ADAMTSL1: variants seen among roughly 807,000 people sequenced by gnomAD.
ADAMTSL1 encodes the protein ADAMTS like 1, also known as ADAMTS-like protein 1.
In ADAMTSL1, 126 loss-of-function variants were observed where a neutral mutation model predicts 201.8. The observed-to-expected ratio is 0.62, with a 90% CI of 0.54 to 0.72. ADAMTSL1 has a LOEUF of 0.72. Among genes scored for constraint, ADAMTSL1 ranks in the 30% least tolerant of loss-of-function variants. The probability of loss-of-function intolerance (pLI) is 0.00; values close to 1 mark genes in which losing one functional copy is unlikely to be tolerated. For missense variants in ADAMTSL1, 2,679 were observed against 2,277.8 expected (o/e 1.18, Z -3.59); for synonymous variants, 1,121 against 903.4 (o/e 1.24, Z -4.32).
chr9:18,050,260 C>A (rs142459117), intron 1 of ADAMTSL1, among the ~76,000 whole-genome samples: 153 of 152,142 alleles, frequency 1.0e-3, no homozygotes, highest in African/African-American at 3.3e-3. Flanking sequence ...ATAACAAATT[C>A]TTTATGCTCA....
chr9:18,138,990 T>A (rs1195605558), intron 1 of ADAMTSL1, among the ~76,000 whole-genome samples: 1 of 152,158 alleles, frequency 6.6e-6, no homozygotes, highest in Non-Finnish European at 1.5e-5. Context: ...ATTTTACTTG[T>A]GTCTGCCACT....
At chr9:17,979,408 C>T (rs1370827853) in intron 1 of ADAMTSL1, among the ~76,000 whole-genome samples, 2 of 151,940 alleles carry the variant, frequency 1.3e-5, no homozygotes, top group Admixed American at 6.6e-5. Context: ...TTCAAATGTC[C>T]TGTCTTTCAG....
chr9:17,916,254 T>C (rs1164441468), intron 1 of ADAMTSL1, among the ~76,000 whole-genome samples: 3 of 152,208 alleles, frequency 2.0e-5, no homozygotes, highest in Non-Finnish European at 2.9e-5. Context: ...GATTTGCAAA[T>C]ATTTTCTTCC....
chr9:18,834,986 G>A (rs953239036), intron 23 of ADAMTSL1, among the ~76,000 whole-genome samples: 15 of 152,242 alleles, frequency 9.9e-5, no homozygotes, highest in African/African-American at 3.4e-4. Flanking sequence ...AAACACCTAG[G>A]AGTGAAATGA....
At chr9:18,078,225 T>G (rs1254310992) in intron 1 of ADAMTSL1, among the ~76,000 whole-genome samples, 1 of 152,066 alleles carries the variant, frequency 6.6e-6, no homozygotes. Context: ...AATAAAACAA[T>G]TTTTTTCTCC....
chr9:18,065,032 G>C (rs1377054778), intron 1 of ADAMTSL1, among the ~76,000 whole-genome samples: 2 of 122,420 alleles, frequency 1.6e-5, no homozygotes. Context: ...GGGTTGAAAA[G>C]ATACGGATTT....
In ADAMTSL1 at chr9:17,934,902, T is replaced by TAA. The variant is rs59536452; in HGVS notation, c.87+27998_87+27999dup. 6.3e-3 allele frequency among the ~76,000 whole-genome samples: 901 copies of TAA among 143,760 alleles called. 11 individuals are homozygous for TAA. Among genetic ancestry groups the TAA allele is most frequent in the African/African-American group, 0.022 (854 of 39,014 alleles). The allele number at this position is 143,760 out of a possible 152,430, so 94.3% of individuals were successfully genotyped here. A position where few individuals can be genotyped will look rare whatever the true frequency, so the allele number is the denominator to read the frequency against. On this transcript the variant is annotated intron_variant, in intron 1 of 29. Coordinates refer to the ADAMTSL1 transcript ENST00000680146. ...CCCTCTTTCTGCATCCTATTTCCTTTAAAAAAAAAAAAAAAAAAACTTCTG... is the reference window on the plus strand; with the variant it reads ...CCCTCTTTCTGCATCCTATTTCCTTTAAAAAAAAAAAAAAAAAAAAACTTCTG...
intron 7 of ADAMTSL1, among the ~76,000 whole-genome samples, chr9:18,651,958 G>A (rs941156365): frequency 6.6e-6 from 1 of 151,690 alleles, no homozygotes; most frequent in Non-Finnish European, 1.5e-5. Context: ...GATACATGAG[G>A]CAGATTGACC....
Position 18,777,665 on chromosome 9 carries a change from C to A in ADAMTSL1, c.3436C>A (p.Arg1146=), listed in dbSNP as rs1413204392. 1.2e-6 allele frequency: 2 copies of A among 1,613,486 alleles called. No individual in the cohort carries two copies. Among genetic ancestry groups the A allele is most frequent in the Admixed American group, 1.7e-5 (1 of 60,016 alleles). Residue 1146 remains arginine, a synonymous_variant, in exon 19 of 29, where the codon CGG becomes AGG. Transcript: ENST00000380548. ...CGTGTCTGGCTTCAGCAGCTCCCTG[C>A]GGACCTCCTCCACCGGGGACGCCGG... ...KHVSGFSSSL[R]TSSTGDAGGG... is the part of the protein sequence containing the mutation.
chr9:18,259,945 T>C (rs1831851190), intron 2 of ADAMTSL1, among the ~76,000 whole-genome samples: 1 of 152,232 alleles, frequency 6.6e-6, no homozygotes, highest in African/African-American at 2.4e-5. Context: ...CTTACCATTT[T>C]TAACTCATTC....
At chr9:18,719,099 T>TGTGTC (rs1833160671) in intron 14 of ADAMTSL1, among the ~76,000 whole-genome samples, 1 of 152,216 alleles carries the variant, frequency 6.6e-6, no homozygotes, top group African/African-American at 2.4e-5. Flanking sequence ...AGTGTTTGGC[T>TGTGTC]GTGTCGTCAT....
At chr9:18,413,274 C>G (rs1282437758) in intron 2 of ADAMTSL1, among the ~76,000 whole-genome samples, 1 of 151,594 alleles carries the variant, frequency 6.6e-6, no homozygotes, top group Non-Finnish European at 1.5e-5. Flanking sequence ...AAATGATTCT[C>G]CTGCCTCAGC....
chr9:18,770,836 C>A, intron 17 of ADAMTSL1, 55 bp downstream of exon 17: 3 of 1,549,964 alleles, frequency 1.9e-6, no homozygotes, highest in Non-Finnish European at 2.6e-6. Flanking sequence ...AAAGAAGGCA[C>A]CCCAGACATA....
chr9:18,754,877 T>A (rs1819660690), intron 16 of ADAMTSL1, among the ~76,000 whole-genome samples: 2 of 152,220 alleles, frequency 1.3e-5, no homozygotes, highest in African/African-American at 4.8e-5. Context: ...GTCATATATT[T>A]TGAACACCAA....
In ADAMTSL1 at chr9:18,626,839, T is replaced by TTTTCTTTCTTTCTTTC. The variant is rs752168419; in HGVS notation, c.601+4484_601+4499dup. Among the ~76,000 whole-genome samples the TTTTCTTTCTTTCTTTC allele has an allele frequency of 1.2e-3, 162 of 132,928 alleles. 1 individual carries two copies. The highest frequency in any genetic ancestry group is 1.9e-3 in the Non-Finnish European group (114 of 61,160). 87.2% of individuals were successfully genotyped at this position (132,928 alleles called of 152,430 possible). A position where few individuals can be genotyped will look rare whatever the true frequency, so the allele number is the denominator to read the frequency against. On this transcript the variant is annotated intron_variant, in intron 5 of 28. Transcript: ENST00000380548. ...TTTCTTTCTTTCTTTCTTACTTTCTTTTTCTTTCTTTCTTTCTTTCTTTCT... is the reference window on the plus strand; with the variant it reads ...TTTCTTTCTTTCTTTCTTACTTTCTTTTTCTTTCTTTCTTTCTTTCTTTCTTTCTTTCTTTCTTTCT...
At chr9:17,986,357 A>G (rs1160481562) in intron 1 of ADAMTSL1, among the ~76,000 whole-genome samples, 1 of 152,012 alleles carries the variant, frequency 6.6e-6, no homozygotes, top group Non-Finnish European at 1.5e-5. Context: ...CATTCATTCA[A>G]TTCAGTTGTC....
chr9:18,016,145 A>G (rs1249090207), intron 1 of ADAMTSL1, among the ~76,000 whole-genome samples: 1 of 152,072 alleles, frequency 6.6e-6, no homozygotes, highest in Non-Finnish European at 1.5e-5. Context: ...GTCAGAAGAC[A>G]TGTATTCAAT....
intron 2 of ADAMTSL1, among the ~76,000 whole-genome samples, chr9:18,248,584 A>G (rs1246044006): frequency 5.9e-5 from 9 of 152,238 alleles, no homozygotes; most frequent in Non-Finnish European, 1.3e-4. Context: ...AAAGCAATGG[A>G]AAGAAAATAA....
intron 3 of ADAMTSL1, among the ~76,000 whole-genome samples, chr9:18,546,869 A>G (rs950907623): frequency 1.5e-4 from 23 of 152,156 alleles, no homozygotes; most frequent in African/African-American, 5.1e-4. Context: ...ATTTATTAGC[A>G]TCCTATGTAG....
Sources: allele counts gnomAD v4.1 joint callset (sites outside exome capture counted in the v4.1 genomes callset), GRCh38; gene constraint gnomAD v4.1.1; transcripts MANE v1.5; gene names NCBI Gene and HGNC (gene_info 2026-07-23, HGNC 2026-07-21).